The following VWA8 variants were observed in gnomAD, a reference collection of about 807,000 sequenced individuals.
VWA8 encodes von Willebrand factor A domain containing 8, also known as von Willebrand factor A domain-containing protein 8.
A neutral mutation model predicts 241.5 loss-of-function variants in VWA8; 221 were observed. That is an observed-to-expected ratio of 0.91 (90% confidence interval 0.82 to 1.02). VWA8 has a LOEUF of 1.02. Among genes scored for constraint, VWA8 ranks in the 50% least tolerant of loss-of-function variants. The pLI is 0.00. For missense variants in VWA8, 2,322 were observed against 2,328.7 expected, an observed-to-expected ratio of 1.00 and a Z score of 0.06; for synonymous variants, 852 against 827.1, an observed-to-expected ratio of 1.03 and a Z score of -0.52.
chr13:41,788,798 A>G (rs1593773815), intron 17 of VWA8, among the ~76,000 whole-genome samples: 1 of 152,168 alleles, frequency 6.6e-6, no homozygotes, highest in African/African-American at 2.4e-5. Context: ...ACTTCCTGTC[A>G]GAACACCCTG....
chr13:41,833,343 G>C (rs1367198464), intron 13 of VWA8, 28 bp downstream of exon 13: 7 of 1,584,810 alleles, frequency 4.4e-6, no homozygotes, highest in Non-Finnish European at 6.0e-6. Context: ...GTGTGTGTCT[G>C]TGTGTGATTT....
intron 17 of VWA8, among the ~76,000 whole-genome samples, chr13:41,803,074 A>G (rs1018390748): frequency 1.3e-5 from 2 of 152,254 alleles, no homozygotes; most frequent in Non-Finnish European, 2.9e-5. Flanking sequence ...TGGTATCTCT[A>G]TGAGTCTGCA....
At chr13:41,624,763 C>G (rs565644518) in intron 37 of VWA8, among the ~76,000 whole-genome samples, 1 of 152,270 alleles carries the variant, frequency 6.6e-6, no homozygotes, top group South Asian at 2.1e-4. Flanking sequence ...AGAATCGAAA[C>G]AAGACAAGGA....
At chr13:41,571,315 CTCTCCCTCTCCCG>C (rs1471090868) in intron 43 of VWA8, among the ~76,000 whole-genome samples, 3 of 105,846 alleles carry the variant, frequency 2.8e-5, no homozygotes, top group African/African-American at 7.1e-5. Context: ...TCCCTCCTCC[CTCTCCCTCTCCCG>C]TCTCCCTCTC....
At chr13:41,807,258 A>G (rs1464639323) in intron 17 of VWA8, among the ~76,000 whole-genome samples, 1 of 152,214 alleles carries the variant, frequency 6.6e-6, no homozygotes, top group East Asian at 1.9e-4. Flanking sequence ...TTGACCAAAC[A>G]TTTATAGAAG....
intron 12 of VWA8, among the ~76,000 whole-genome samples, chr13:41,851,225 C>T (rs1164458791): frequency 6.6e-6 from 1 of 152,136 alleles, no homozygotes; most frequent in African/African-American, 2.4e-5. Context: ...CAGAGTCAGG[C>T]ACCAGGCCAG....
chr13:41,762,832 G>C (rs1192611726), intron 20 of VWA8, among the ~76,000 whole-genome samples: 1 of 152,100 alleles, frequency 6.6e-6, no homozygotes, highest in Admixed American at 6.5e-5. Context: ...GCTCAGCACA[G>C]TGCCTGAGAG....
chr13:41,621,427 C>T (rs1333067480), intron 37 of VWA8, among the ~76,000 whole-genome samples: 2 of 152,116 alleles, frequency 1.3e-5, no homozygotes, highest in African/African-American at 2.4e-5. Context: ...TGCTTATATG[C>T]GTTAAGACTC....
chr13:41,661,652 T>C (rs1251514228), intron 37 of VWA8, among the ~76,000 whole-genome samples: 1 of 152,206 alleles, frequency 6.6e-6, no homozygotes, highest in Non-Finnish European at 1.5e-5. Flanking sequence ...AAAGTATTCA[T>C]TTAAAATTAT....
chr13:41,783,639 G>GAAAA (rs150170475), intron 19 of VWA8, among the ~76,000 whole-genome samples, 156 bp downstream of exon 19: 1 of 111,836 alleles, frequency 8.9e-6, no homozygotes. Context: ...CTGCATCACA[G>GAAAA]AAAAAAAAAA....
intron 4 of VWA8, among the ~76,000 whole-genome samples, chr13:41,901,166 G>A (rs1352624759): frequency 7.3e-6 from 1 of 136,434 alleles, no homozygotes; most frequent in Non-Finnish European, 1.5e-5. Context: ...AGGCTGGATT[G>A]CAATGACTCA....
At chr13:41,812,144 AT>A (rs1193212987) in intron 16 of VWA8, among the ~76,000 whole-genome samples, 22 of 152,294 alleles carry the variant, frequency 1.4e-4, no homozygotes, top group African/African-American at 4.1e-4. Flanking sequence ...TGAAGGTTAA[AT>A]TAGAAAATGA....
At chr13:41,745,615 C>T (rs2045599714) in intron 21 of VWA8, among the ~76,000 whole-genome samples, 1 of 152,204 alleles carries the variant, frequency 6.6e-6, no homozygotes, top group Non-Finnish European at 1.5e-5. Context: ...AAATGCTTAT[C>T]ATCACTGATC....
Position 41,747,809 on chromosome 13 carries a change from G to C in VWA8, c.2426+13319C>G, listed in dbSNP as rs558139803. 5.8e-3 allele frequency among the ~76,000 whole-genome samples: 882 copies of C among 152,244 alleles called. 4 individuals are homozygous for C. Among genetic ancestry groups the C allele is most frequent in the Non-Finnish European group, 7.2e-3 (491 of 68,012 alleles). On this transcript the variant is annotated intron_variant, in intron 21 of 44. Coordinates refer to ENST00000379310, the MANE Select transcript of VWA8 (RefSeq NM_015058.2). ...TTTATTGAGAGTTTTTAGCATGAAG[G>C]GTTGTTGAATTTTGTCAAAGGCCTT...
intron 2 of VWA8, among the ~76,000 whole-genome samples, chr13:41,922,496 C>A (rs1876594634): frequency 1.3e-5 from 2 of 152,158 alleles, no homozygotes; most frequent in South Asian, 4.1e-4. Flanking sequence ...AGTGAACAGG[C>A]AACCTACAGA....
Position 41,865,727 on chromosome 13 carries a change from A to G in VWA8, c.1425+9T>C. ...ATAGTCCAAGTGCAGCTAAAAATGA[A>G]CACTGTACCTGATAGAGCATAATAG... On this transcript the variant is annotated intron_variant, in intron 12 of 44. Coordinates refer to ENST00000379310, the MANE Select transcript of VWA8 (RefSeq NM_015058.2). 2 of 1,612,994 alleles carry G rather than the reference A, an allele frequency of 1.2e-6. No individual in the cohort carries two copies. Among genetic ancestry groups the G allele is most frequent in the Admixed American group, 3.3e-5 (2 of 59,980 alleles).
intron 17 of VWA8, among the ~76,000 whole-genome samples, chr13:41,791,524 C>T (rs949201123): frequency 6.6e-6 from 1 of 151,774 alleles, no homozygotes; most frequent in African/African-American, 2.4e-5. Flanking sequence ...CTAGAGAGAA[C>T]TCTAACCTTG....
At chr13:41,763,553 G>T (rs1302106385) in intron 20 of VWA8, among the ~76,000 whole-genome samples, 1 of 152,126 alleles carries the variant, frequency 6.6e-6, no homozygotes, top group African/African-American at 2.4e-5. Context: ...AATAACATTT[G>T]CACATCTGTA....
intron 37 of VWA8, among the ~76,000 whole-genome samples, chr13:41,648,708 T>C (rs1217766697): frequency 2.0e-5 from 3 of 152,190 alleles, no homozygotes; most frequent in African/African-American, 7.2e-5. Flanking sequence ...TCAGGAGACA[T>C]ACAATTATAA....
Sources: gnomAD v4.1 joint callset for allele counts (sites outside exome capture counted in the v4.1 genomes callset) on GRCh38, gnomAD v4.1.1 for gene constraint, MANE v1.5 for transcripts, NCBI Gene and HGNC (gene_info 2026-07-23, HGNC 2026-07-21) for gene names.